The following SEH1L variants were observed in gnomAD, a reference collection of about 807,000 sequenced individuals.
SEH1L encodes nucleoporin SEH1.
SEH1L carries 18 observed loss-of-function variants against 49.5 expected under a neutral mutation model. The ratio of observed to expected loss-of-function variants is 0.36; its 90% confidence interval spans 0.25 to 0.54. The LOEUF is 0.54. SEH1L is among the 20% of genes least tolerant of loss of function. SEH1L has a pLI of 0.87. For synonymous variants in SEH1L, 169 were observed against 178.1 expected (o/e 0.95, Z 0.41); for missense variants, 404 against 528.8 (o/e 0.76, Z 2.31).
At chr18:12,979,894 G>C (rs866882040) in intron 6 of SEH1L, among the ~76,000 whole-genome samples, 13,864 of 99,312 alleles carry the variant, frequency 0.14, 1,425 homozygotes, top group African/African-American at 0.3. Flanking sequence ...CACCTCCTTC[G>C]CGGACGGGGC....
rs773477986 is a variant in SEH1L, at chr18:12,963,264, A to G, written c.414A>G (p.Ile138Met). Residue 138 changes from isoleucine (I) to methionine (M), a missense_variant, in exon 4 of 9, where the codon ATA becomes ATG. Ile to Met is a conservative substitution (Grantham distance 10). Transcript: ENST00000399892. ...LMLATCSADG[I>M]VRIYEAPDVM... is the part of the protein sequence containing the mutation. The stretch of plus-strand genomic sequence containing the variant: ...TAGCAACCTGTTCCGCAGATGGTAT[A>G]GTAAGAATCTATGAGGCACCAGATG... 1 of 1,614,138 alleles carries G rather than the reference A, an allele frequency of 6.2e-7. No individual in the cohort carries two copies. Among genetic ancestry groups the G allele is most frequent in the Non-Finnish European group, 8.5e-7 (1 of 1,179,976 alleles).
At chr18:12,984,729 A>G (rs1452700135) in intron 8 of SEH1L, 1 of 153,576 alleles carries the variant, frequency 6.5e-6, no homozygotes, top group African/African-American at 2.4e-5. Context: ...TGTATATCAT[A>G]ATAAGGAATA....
chr18:12,971,345 C>A, intron 5 of SEH1L, 94 bp downstream of exon 5: 1 of 838,730 alleles, frequency 1.2e-6, no homozygotes, highest in Non-Finnish European at 1.9e-6. Context: ...ATGTGTCATT[C>A]ATCATATGTT....
intron 1 of SEH1L, among the ~76,000 whole-genome samples, chr18:12,949,121 C>A (rs1240203985): frequency 6.6e-6 from 1 of 151,824 alleles, no homozygotes; most frequent in Non-Finnish European, 1.5e-5. Context: ...GGCGCCTCGG[C>A]CTCCCAAAGT....
At chr18:12,955,306 G>A (rs1598943286) in intron 2 of SEH1L, among the ~76,000 whole-genome samples, 157 bp from the exon 3 acceptor site, 1 of 150,708 alleles carries the variant, frequency 6.6e-6, no homozygotes, top group African/African-American at 2.4e-5. Flanking sequence ...TTATTTACAT[G>A]TTATGTTGAT....
At chr18:12,982,134 G>C (rs1471779562) in intron 6 of SEH1L, among the ~76,000 whole-genome samples, 2 of 152,090 alleles carry the variant, frequency 1.3e-5, no homozygotes, top group African/African-American at 4.8e-5. Context: ...CCAAAGTGCT[G>C]CGATTACAGG....
chr18:12,974,694 G>A (rs1343005174), intron 5 of SEH1L: 1 of 152,210 alleles, frequency 6.6e-6, no homozygotes. Context: ...ACAGATCTAG[G>A]ATTGATAGTG....
intron 6 of SEH1L, among the ~76,000 whole-genome samples, chr18:12,981,711 C>T (rs1054089930): frequency 2.0e-5 from 3 of 152,116 alleles, no homozygotes; most frequent in Non-Finnish European, 4.4e-5. Flanking sequence ...TATTTAATGA[C>T]AAGTGGCAGT....
Position 12,967,937 on chromosome 18 carries a change from AAAAG to A in SEH1L, c.522-3211_522-3208del, listed in dbSNP as rs549380822. On this transcript the variant is annotated intron_variant, in intron 4 of 8. Transcript: ENST00000399892. ...AAAAAAGAGAAAAAAAAGAAAAAAA[AAAAG>A]AAAGCCTGAGAGAATTGGGTTTTAT... Among the ~76,000 whole-genome samples, 164 of 152,234 alleles carry A rather than the reference AAAAG, an allele frequency of 1.1e-3. 1 individual carries two copies. Among genetic ancestry groups the A allele is most frequent in the Admixed American group, 3.7e-3 (56 of 15,276 alleles).
chr18:12,958,258 G>T (rs529976823), intron 3 of SEH1L, among the ~76,000 whole-genome samples: 1 of 148,754 alleles, frequency 6.7e-6, no homozygotes, highest in East Asian at 2.0e-4. Context: ...TAATTTTTTT[G>T]TGTTTTTAGA....
chr18:12,982,964 G>A lies in SEH1L; in HGVS notation c.919+289G>A, dbSNP rs1406039050. The A allele has an allele frequency of 1.5e-5, 3 of 201,832 alleles. No individual in the cohort carries two copies. The East Asian group carries it at 3.8e-4, about 25-fold the overall frequency. 12.5% of individuals were successfully genotyped at this position (201,832 alleles called of 1,614,324 possible). A position where few individuals can be genotyped will look rare whatever the true frequency, so the allele number is the denominator to read the frequency against. ...CAGTTGTCATATATGTACCTTACAT[G>A]ACTGCTCTACAAACTCAGGCTAGGA... On this transcript the variant is annotated intron_variant, in intron 7 of 8. Transcript: ENST00000399892.
intron 4 of SEH1L, among the ~76,000 whole-genome samples, chr18:12,966,442 A>T (rs890703552): frequency 2.1e-5 from 3 of 144,280 alleles, no homozygotes; most frequent in Non-Finnish European, 3.1e-5. Context: ...GACACGTGTC[A>T]CTATGTCACC....
At chr18:12,984,533 T>C (rs2032392935) in intron 8 of SEH1L, among the ~76,000 whole-genome samples, 1 of 152,250 alleles carries the variant, frequency 6.6e-6, no homozygotes, top group Non-Finnish European at 1.5e-5. Flanking sequence ...TAGTGTTTTT[T>C]AGTGCTTGTA....
Position 12,951,860 on chromosome 18 carries a change from G to T in SEH1L, c.117G>T (p.Trp39Cys). The change falls in exon 2 of 9, where the codon TGG (tryptophan) becomes TGT (cysteine). Residue 39 changes from tryptophan (W) to cysteine (C), a missense_variant. Transcript: ENST00000399892. ...TGCCTTTTATTTTCTTATAGGTCTG[G>T]GATAAAAGTGAAAGTGGTGATTGGC... ...TCSSDQSVKV[W>C]DKSESGDWHC... 6.4e-7 allele frequency: 1 copy of T among 1,569,308 alleles called. No individual in the cohort carries two copies. The highest frequency in any genetic ancestry group is 8.7e-7 in the Non-Finnish European group (1 of 1,150,236).
intron 6 of SEH1L, among the ~76,000 whole-genome samples, chr18:12,981,230 A>G (rs990152496): frequency 4.0e-4 from 60 of 149,550 alleles, no homozygotes; most frequent in Non-Finnish European, 7.4e-4. Context: ...CTGGGCAGCC[A>G]GGCAGAGAGG....
At chr18:12,965,057 A>G (rs1191838141) in intron 4 of SEH1L, among the ~76,000 whole-genome samples, 1 of 107,410 alleles carries the variant, frequency 9.3e-6, no homozygotes, top group Non-Finnish European at 1.7e-5. Flanking sequence ...TCTGTCACCC[A>G]GGCTGGAGTG....
At chr18:12,986,832 G>A (rs749043100) in intron 8 of SEH1L, 30 bp from the exon 9 acceptor site, 39 of 1,245,544 alleles carry the variant, frequency 3.1e-5, no homozygotes, top group Non-Finnish European at 3.9e-5. Context: ...TGTTTTGTTT[G>A]GTGTTTTGTT....
intron 7 of SEH1L, 36 bp from the exon 8 acceptor site, chr18:12,984,004 T>C: frequency 2.5e-6 from 4 of 1,569,008 alleles, no homozygotes; most frequent in Non-Finnish European, 1.8e-6. Context: ...GCATTGGTAT[T>C]AATCATGTTA....
At chr18:12,975,872 C>CTG in intron 5 of SEH1L, 2 of 985,676 alleles carry the variant, frequency 2.0e-6, no homozygotes, top group Non-Finnish European at 2.4e-6. Context: ...GAGGCACCAG[C>CTG]TGTAGGTCAC....
Sources: allele counts gnomAD v4.1 joint callset (sites outside exome capture counted in the v4.1 genomes callset), GRCh38; gene constraint gnomAD v4.1.1; transcripts MANE v1.5; gene names NCBI Gene and HGNC (gene_info 2026-07-23, HGNC 2026-07-21).